AGPS: variants seen among roughly 807,000 people sequenced by gnomAD.
AGPS encodes alkyldihydroxyacetonephosphate synthase, peroxisomal.
A neutral mutation model predicts 90.7 loss-of-function variants in AGPS; 26 were observed. The ratio of observed to expected loss-of-function variants is 0.29; its 90% CI spans 0.21 to 0.40. The LOEUF (loss-of-function observed/expected upper bound fraction) is 0.40. Ranked by LOEUF, AGPS falls within the 10% of genes least tolerant of loss-of-function variation. The pLI is 1.00. For missense variants in AGPS, 540 were observed against 816.1 expected (o/e 0.66, Z 4.12); for synonymous variants, 294 against 285.3 (o/e 1.03, Z -0.31).
chr2:177,392,992 C>A lies in AGPS; in HGVS notation c.203C>A (p.Thr68Lys), dbSNP rs1174368119. Residue 68 changes from threonine (T) to lysine (K), a missense_variant, in exon 1 of 20, where the codon ACG (threonine) becomes AAG (lysine). By Grantham distance (78) the Thr-to-Lys change is moderately conservative. Around this residue, in one of 2 missense-constraint regions of AGPS, gnomAD observed 135 missense variants for 124.0 expected, o/e 1.09. Transcript: ENST00000264167. ...CKARRAASAA[T>K]AAPTATPAAQ... ...GCGCGGAGAGCCGCGTCGGCGGCCA[C>A]GGCAGCGCCCACGGCCACTCCCGCC... The A allele has an allele frequency of 9.0e-6, 14 of 1,550,150 alleles. No individual in the cohort carries two copies. The highest frequency in any genetic ancestry group is 1.2e-5 in the South Asian group (1 of 84,038).
At chr2:177,453,754 A>G (rs1292476293) in intron 8 of AGPS, among the ~76,000 whole-genome samples, 3 of 123,178 alleles carry the variant, frequency 2.4e-5, no homozygotes, top group Non-Finnish European at 4.8e-5. Context: ...GCTGGAGTGC[A>G]GTGGTTCACC....
intron 6 of AGPS, chr2:177,441,342 G>A (rs949583805): frequency 1.8e-5 from 5 of 271,852 alleles, no homozygotes; most frequent in Non-Finnish European, 3.5e-5. Context: ...TTTATGGAGA[G>A]AATTTTCTTT....
chr2:177,434,516 A>G, intron 3 of AGPS, 99 bp downstream of exon 3: 1 of 917,734 alleles, frequency 1.1e-6, no homozygotes, highest in South Asian at 1.5e-5. Context: ...GATTTACTGC[A>G]ACTGTCATGT....
intron 19 of AGPS, among the ~76,000 whole-genome samples, chr2:177,533,570 G>T (rs1219298378): frequency 1.3e-5 from 2 of 152,176 alleles, no homozygotes; most frequent in African/African-American, 4.8e-5. Context: ...TCTCTAAAGA[G>T]AACTTTTTCT....
chr2:177,446,433 G>A (rs975436228), intron 8 of AGPS, among the ~76,000 whole-genome samples: 2 of 152,112 alleles, frequency 1.3e-5, no homozygotes, highest in African/African-American at 2.4e-5. Flanking sequence ...GAGCCACCAC[G>A]CCTGGCCGAC....
At chr2:177,507,838 G>GT (rs1688758266) in intron 15 of AGPS, 132 bp from the exon 16 acceptor site, 1 of 731,816 alleles carries the variant, frequency 1.4e-6, no homozygotes, top group African/African-American at 1.7e-5. Context: ...CTCTTATGAG[G>GT]TGGATAGTAA....
At chr2:177,441,197 G>C (rs1686591777) in intron 6 of AGPS, 161 bp downstream of exon 6, 1 of 654,166 alleles carries the variant, frequency 1.5e-6, no homozygotes, top group African/African-American at 1.8e-5. Flanking sequence ...GTTCTAAGTA[G>C]GATTCCTTAA....
At chr2:177,499,968 A>T (rs138564630) in intron 14 of AGPS, among the ~76,000 whole-genome samples, 2 of 151,868 alleles carry the variant, frequency 1.3e-5, no homozygotes, top group Non-Finnish European at 2.9e-5. Context: ...GCTCTTGTCT[A>T]ATCATATATA....
At chr2:177,504,268 A>G (rs1002047280) in intron 14 of AGPS, among the ~76,000 whole-genome samples, 1 of 152,068 alleles carries the variant, frequency 6.6e-6, no homozygotes, top group Non-Finnish European at 1.5e-5. Context: ...GTTTTCCTTT[A>G]CGCACTTGCC....
At chr2:177,502,330 T>C (rs1387298644) in intron 14 of AGPS, among the ~76,000 whole-genome samples, 27 of 152,130 alleles carry the variant, frequency 1.8e-4, no homozygotes, top group Non-Finnish European at 1.5e-4. Context: ...TCCCTTTTAT[T>C]AGATGTGGAC....
intron 10 of AGPS, among the ~76,000 whole-genome samples, chr2:177,481,684 A>G (rs1274154043): frequency 2.0e-5 from 3 of 152,016 alleles, no homozygotes; most frequent in African/African-American, 7.2e-5. Flanking sequence ...ATAAGCACAA[A>G]TATCAAAATA....
At chr2:177,468,914 A>G (rs1184274380) in intron 10 of AGPS, among the ~76,000 whole-genome samples, 1 of 152,052 alleles carries the variant, frequency 6.6e-6, no homozygotes, top group East Asian at 1.9e-4. Context: ...TTCTGTAATT[A>G]TGTATTTTAT....
At chr2:177,488,699 A>G (rs1180685078) in intron 11 of AGPS, among the ~76,000 whole-genome samples, 6 of 152,180 alleles carry the variant, frequency 3.9e-5, no homozygotes, top group East Asian at 3.8e-4. Context: ...CTGATACAAC[A>G]TGAGATTGAT....
At chr2:177,471,577 T>G (rs1687626608) in intron 10 of AGPS, among the ~76,000 whole-genome samples, 1 of 152,190 alleles carries the variant, frequency 6.6e-6, no homozygotes. Flanking sequence ...ACAAAGTACA[T>G]TTTTGTTTTT....
At chr2:177,403,861 G>A (rs1414691999) in intron 1 of AGPS, among the ~76,000 whole-genome samples, 1 of 152,136 alleles carries the variant, frequency 6.6e-6, no homozygotes. Context: ...TATCTGATGA[G>A]GACGGTGTTA....
At chr2:177,493,696 A>G (rs555380929) in intron 12 of AGPS, among the ~76,000 whole-genome samples, 138 of 152,284 alleles carry the variant, frequency 9.1e-4, no homozygotes, top group South Asian at 5.0e-3. Context: ...AGGGCTTTGC[A>G]GGATAGATTT....
chr2:177,446,548 A>G (rs1686781860), intron 8 of AGPS, among the ~76,000 whole-genome samples: 1 of 152,142 alleles, frequency 6.6e-6, no homozygotes, highest in African/African-American at 2.4e-5. Context: ...GTGTGGGTAC[A>G]GTAGTGGTAA....
chr2:177,418,560 A>G (rs12693120), intron 1 of AGPS, among the ~76,000 whole-genome samples: 96,707 of 151,678 alleles, frequency 0.64, 32,851 homozygotes, highest in Admixed American at 0.74. Flanking sequence ...ATAAATGTTG[A>G]AATTCACTAA....
intron 8 of AGPS, among the ~76,000 whole-genome samples, chr2:177,460,678 A>G (rs1687265768): frequency 6.6e-6 from 1 of 152,204 alleles, no homozygotes; most frequent in Admixed American, 6.5e-5. Context: ...AAAATAATTC[A>G]TAGTATTTTG....
Sources: gnomAD v4.1 joint callset for allele counts (sites outside exome capture counted in the v4.1 genomes callset) on GRCh38, gnomAD v4.1.1 for gene constraint, gnomAD v4.1.1 regional missense constraint, MANE v1.5 for transcripts, NCBI Gene and HGNC (gene_info 2026-07-23, HGNC 2026-07-21) for gene names.